USPL1: variants seen among roughly 807,000 people sequenced by gnomAD.
USPL1 encodes SUMO-specific isopeptidase USPL1.
In USPL1, 27 loss-of-function variants were observed where a neutral mutation model predicts 51.5. The observed-to-expected ratio is 0.52, with a 90% CI of 0.39 to 0.72. The LOEUF is 0.72. Among genes scored for constraint, USPL1 ranks in the 30% least tolerant of loss-of-function variants. The pLI is 0.00. For synonymous variants in USPL1, 451 were observed against 459.6 expected (o/e 0.98, Z 0.24); for missense variants, 1,226 against 1,268.0 (o/e 0.97, Z 0.50).
At chr13:30,657,270 A>G (rs774918177) in intron 8 of USPL1, among the ~76,000 whole-genome samples, 13 of 152,254 alleles carry the variant, frequency 8.5e-5, no homozygotes, top group African/African-American at 1.2e-4. Context: ...TTAGGTGATA[A>G]CCAAATTCTA....
At chr13:30,624,369 C>T (rs970229077) in intron 3 of USPL1, among the ~76,000 whole-genome samples, 1 of 152,164 alleles carries the variant, frequency 6.6e-6, no homozygotes. Flanking sequence ...AATCCCAACA[C>T]TTTGGGAGGC....
At position 30,647,047 on chromosome 13, in the gene USPL1, G is replaced by A; in HGVS notation, c.1228G>A (p.Val410Ile). The A allele has an allele frequency of 6.2e-7, 1 of 1,610,686 alleles. No homozygotes were observed. The highest frequency in any genetic ancestry group is 8.5e-7 in the Non-Finnish European group (1 of 1,177,310). Reference sequence around the variant, plus strand: ...CAGTAAATCACAAATAAGAAAAATGGTATTAGAAAAGTGAGTTAAAATTGT... The same window carrying A: ...CAGTAAATCACAAATAAGAAAAATGATATTAGAAAAGTGAGTTAAAATTGT... ...CNSKSQIRKM[V>I]LEKVSPIFML... Residue 410 changes from valine (V) to isoleucine (I), a missense_variant, in exon 7 of 9, where the codon GTA (valine) becomes ATA (isoleucine). Physicochemically the swap from Val to Ile is conservative, Grantham distance 29. Coordinates refer to ENST00000255304, the MANE Select transcript of USPL1 (RefSeq NM_005800.5).
intron 3 of USPL1, among the ~76,000 whole-genome samples, chr13:30,628,043 ATTTTTTTT>A (rs202119827): frequency 0.03 from 3,871 of 127,038 alleles, 111 homozygotes; most frequent in Middle Eastern, 0.1. Flanking sequence ...TGCCTGGCTA[ATTTTTTTT>A]TTTTTTTTTT....
intron 8 of USPL1, among the ~76,000 whole-genome samples, chr13:30,656,564 T>C (rs1951167143): frequency 6.6e-6 from 1 of 152,244 alleles, no homozygotes; most frequent in Admixed American, 6.5e-5. Flanking sequence ...CTGAGTAGCA[T>C]TGTATGTATT....
At chr13:30,618,702 A>T (rs1289802918) in intron 1 of USPL1, among the ~76,000 whole-genome samples, 1 of 152,188 alleles carries the variant, frequency 6.6e-6, no homozygotes, top group Non-Finnish European at 1.5e-5. Flanking sequence ...CTTCTGGAGT[A>T]TAAGTGGTTC....
In USPL1 at chr13:30,653,301, T is replaced by C. The variant is rs765052243; in HGVS notation, c.1392T>C (p.Ala464=). 1 of 1,593,228 alleles carries C rather than the reference T, an allele frequency of 6.3e-7. No homozygotes were observed. Among genetic ancestry groups the C allele is most frequent in the Non-Finnish European group, 8.6e-7 (1 of 1,164,896 alleles). Residue 464 remains alanine, a synonymous_variant, in exon 8 of 9, where the codon GCT becomes GCC. Transcript: ENST00000255304. ...ATTTTATAACATGGATTTTAGATGC[T>C]GATGGTAAGTGTTTAGAGGTTTTCT... ...NNHFITWILD[A]DGSWLECDDL...
At chr13:30,639,610 C>A (rs977457042) in intron 5 of USPL1, among the ~76,000 whole-genome samples, 1 of 151,870 alleles carries the variant, frequency 6.6e-6, no homozygotes, top group African/African-American at 2.4e-5. Context: ...ATAGTAAGAC[C>A]GTTTTTAAGT....
rs1395534320 is a variant in USPL1 at position 30,657,782 on chromosome 13, G to A, written c.1705G>A (p.Gly569Arg). The change falls in exon 9 of 9, where the codon GGA (glycine) becomes AGA (arginine). Residue 569 changes from glycine to arginine, a missense_variant. By Grantham distance (125) the Gly-to-Arg change is moderately radical. Coordinates refer to ENST00000255304, the MANE Select transcript of USPL1 (RefSeq NM_005800.5). ...TLSQDTAVTH[G>R]DHLLSGPKGL... ...TTCACAGGACACAGCTGTAACTCAT[G>A]GAGATCATTTACTTTCAGGTCCAAA... 1 of 1,614,056 alleles carries A rather than the reference G, an allele frequency of 6.2e-7. No individual in the cohort carries two copies. Among genetic ancestry groups the A allele is most frequent in the Admixed American group, 1.7e-5 (1 of 60,024 alleles).
At chr13:30,649,481 T>A (rs1951060629) in intron 7 of USPL1, among the ~76,000 whole-genome samples, 1 of 152,248 alleles carries the variant, frequency 6.6e-6, no homozygotes, top group Non-Finnish European at 1.5e-5. Flanking sequence ...ACATCTCTAA[T>A]GTCTCCCCAT....
chr13:30,630,875 T>A lies in USPL1; in HGVS notation c.269T>A (p.Ile90Asn), dbSNP rs1950794129. The change falls in exon 4 of 9, where the codon ATT becomes AAT. Residue 90 changes from isoleucine to asparagine, a missense_variant. Coordinates refer to ENST00000255304, the MANE Select transcript of USPL1 (RefSeq NM_005800.5). ...PLGSKSLNNL[I>N]SPDLEECHTP... ...GGCTCTAAATCACTTAATAACCTAATTTCTCCTGATTTGGAAGAATGTCAC... is the reference window on the plus strand; with the variant it reads ...GGCTCTAAATCACTTAATAACCTAAATTCTCCTGATTTGGAAGAATGTCAC... 6.2e-7 allele frequency: 1 copy of A among 1,612,954 alleles called. No homozygotes were observed. The highest frequency in any genetic ancestry group is 1.7e-5 in the Admixed American group (1 of 59,782).
At chr13:30,635,486 T>G (rs1371846531) in intron 4 of USPL1, among the ~76,000 whole-genome samples, 1 of 152,222 alleles carries the variant, frequency 6.6e-6, no homozygotes, top group Admixed American at 6.5e-5. Flanking sequence ...AATTTTATTC[T>G]CTTGGTTACT....
At chr13:30,625,966 A>AT (rs1950709939) in intron 3 of USPL1, among the ~76,000 whole-genome samples, 1 of 152,152 alleles carries the variant, frequency 6.6e-6, no homozygotes, top group Non-Finnish European at 1.5e-5. Context: ...ACAAGGAATG[A>AT]TTTTTTTGTT....
chr13:30,641,675 G>C (rs960319110), intron 5 of USPL1, among the ~76,000 whole-genome samples: 2 of 152,022 alleles, frequency 1.3e-5, no homozygotes, highest in East Asian at 3.8e-4. Flanking sequence ...ATGACAACAA[G>C]ATTCAAATCT....
chr13:30,632,003 A>G (rs1016153972), intron 4 of USPL1, among the ~76,000 whole-genome samples: 2 of 151,540 alleles, frequency 1.3e-5, no homozygotes, highest in African/African-American at 2.4e-5. Context: ...TCTGGGGTAC[A>G]TGTGCAGAAC....
intron 4 of USPL1, 105 bp downstream of exon 4, chr13:30,631,579 C>T (rs1950806980): frequency 1.0e-5 from 12 of 1,173,520 alleles, no homozygotes; most frequent in Non-Finnish European, 1.4e-5. Flanking sequence ...TGTCTCCTTG[C>T]AGCCTTGACT....
At chr13:30,640,149 C>T (rs1051701521) in intron 5 of USPL1, among the ~76,000 whole-genome samples, 2 of 152,066 alleles carry the variant, frequency 1.3e-5, no homozygotes, top group Admixed American at 6.5e-5. Flanking sequence ...GTGTTTTGAG[C>T]TCTTTCATAA....
chr13:30,640,078 A>G (rs146958274), intron 5 of USPL1, among the ~76,000 whole-genome samples: 10 of 152,316 alleles, frequency 6.6e-5, no homozygotes, highest in South Asian at 2.1e-4. Flanking sequence ...GATAGGTGCT[A>G]TATTTTAGCT....
rs1029306685 is a variant in USPL1 at position 30,657,861 on chromosome 13, C to T, written c.1784C>T (p.Thr595Ile). Residue 595 changes from threonine to isoleucine, a missense_variant, in exon 9 of 9, where the codon ACA becomes ATA. Transcript: ENST00000255304. ...PLTLEETIQK[T>I]ASVSQLNSEA... ...ACACTTGAAGAAACTATCCAGAAAA[C>T]AGCCTCAGTTTCACAGTTAAATTCT... 8 of 1,613,900 alleles carry T rather than the reference C, an allele frequency of 5.0e-6. No individual in the cohort carries two copies. Among genetic ancestry groups the T allele is most frequent in the Admixed American group, 1.7e-5 (1 of 60,002 alleles).
At chr13:30,644,976 C>T (rs540418794) in intron 6 of USPL1, among the ~76,000 whole-genome samples, 1 of 152,250 alleles carries the variant, frequency 6.6e-6, no homozygotes, top group South Asian at 2.1e-4. Flanking sequence ...CTCTGGTTTT[C>T]TCCTCACAGT....
Sources: gnomAD v4.1 joint callset for allele counts (sites outside exome capture counted in the v4.1 genomes callset) on GRCh38, gnomAD v4.1.1 for gene constraint, MANE v1.5 for transcripts, NCBI Gene and HGNC (gene_info 2026-07-23, HGNC 2026-07-21) for gene names.